SOX6: variants seen among roughly 807,000 people sequenced by gnomAD.
The protein encoded by SOX6 is SRY-box transcription factor 6.
Under a neutral mutation model 97.8 loss-of-function variants are expected in SOX6, and 11 were observed. The ratio of observed to expected loss-of-function variants is 0.11; its 90% CI spans 0.07 to 0.19. The LOEUF (loss-of-function observed/expected upper bound fraction) is 0.19, where lower values mean the gene tolerates loss of function less well. Among genes scored for constraint, SOX6 ranks in the 10% least tolerant of loss-of-function variants. SOX6 has a pLI of 1.00. For missense variants in SOX6, 810 were observed against 1,039.5 expected (o/e 0.78, Z 3.04); for synonymous variants, 360 against 371.4 (o/e 0.97, Z 0.35).
chr11:16,642,468 TGC>T (rs1848933502), intron 3 of SOX6, among the ~76,000 whole-genome samples: 1 of 152,238 alleles, frequency 6.6e-6, no homozygotes, highest in African/African-American at 2.4e-5. Context: ...TGGCCTGCCT[TGC>T]TAGATTGGAG....
At chr11:16,025,457 G>T (rs1855190694) in intron 12 of SOX6, among the ~76,000 whole-genome samples, 1 of 152,170 alleles carries the variant, frequency 6.6e-6, no homozygotes, top group Non-Finnish European at 1.5e-5. Flanking sequence ...TGTACCATAT[G>T]AACAAAGAGT....
chr11:16,402,673 T>C (rs1858591814), intron 1 of SOX6: 3 of 1,611,270 alleles, frequency 1.9e-6, no homozygotes, highest in Non-Finnish European at 2.5e-6. Context: ...TTTTTCTTCT[T>C]TCCTTCCTCC....
chr11:16,186,775 G>A lies in SOX6; in HGVS notation c.708+8C>T, dbSNP rs772387340. The A allele has an allele frequency of 6.2e-7, 1 of 1,612,434 alleles. No homozygotes were observed. The highest frequency in any genetic ancestry group is 8.5e-7 in the Non-Finnish European group (1 of 1,179,770). On this transcript the variant is annotated splice_region_variant and intron_variant, in intron 5 of 15. Transcript: ENST00000683767. ...CTCCAGTTCGTCAGTGCCTTTTGCA[G>A]GGCTCACCTGTTCTTGCTGTTGGCG... is the stretch of plus-strand genomic sequence containing the variant.
At position 16,288,182 on chromosome 11, in the gene SOX6, C is replaced by T. The variant is rs527733871; in HGVS notation, c.445+30264G>A. Among the ~76,000 whole-genome samples the T allele has an allele frequency of 2.0e-5, 3 of 152,092 alleles. No individual in the cohort carries two copies. In the South Asian group the frequency reaches 6.2e-4, roughly 32 times the overall value. On this transcript the variant is annotated intron_variant, in intron 3 of 15. Coordinates refer to ENST00000683767, the MANE Select transcript of SOX6 (RefSeq NM_001367873.1). Reference sequence around the variant, plus strand: ...GGTCCAGTATTCCCTGGAAATAACCCCGATTCAGAAGATTCTCTTCCCATC... The same window carrying T: ...GGTCCAGTATTCCCTGGAAATAACCTCGATTCAGAAGATTCTCTTCCCATC...
At chr11:15,982,242 A>T (rs925400177) in intron 15 of SOX6, among the ~76,000 whole-genome samples, 11 of 152,052 alleles carry the variant, frequency 7.2e-5, no homozygotes, top group Non-Finnish European at 1.6e-4. Flanking sequence ...TCGGCCATTT[A>T]CTAGCTGTGT....
intron 3 of SOX6, among the ~76,000 whole-genome samples, chr11:16,267,141 T>C (rs1366315015): frequency 6.6e-6 from 1 of 151,452 alleles, no homozygotes; most frequent in African/African-American, 2.4e-5. Context: ...CAATGATTTT[T>C]TAGATTTCAT....
At chr11:16,221,049 T>C (rs1225275666) in intron 4 of SOX6, among the ~76,000 whole-genome samples, 2 of 152,056 alleles carry the variant, frequency 1.3e-5, no homozygotes, top group African/African-American at 4.8e-5. Context: ...TGTGCTAATC[T>C]AAGGTTCTAG....
intron 3 of SOX6, among the ~76,000 whole-genome samples, chr11:16,259,713 AAATT>A (rs1329115833): frequency 6.6e-6 from 1 of 152,168 alleles, no homozygotes; most frequent in Admixed American, 6.5e-5. Context: ...GAAGAAAACA[AAATT>A]AATCTATGGT....
chr11:16,585,538 G>A (rs1455961230), intron 4 of SOX6, among the ~76,000 whole-genome samples: 2 of 152,040 alleles, frequency 1.3e-5, no homozygotes, highest in African/African-American at 4.8e-5. Flanking sequence ...CACTGTACAG[G>A]TTAGAGAAAT....
chr11:16,505,123 A>G (rs1860765351), intron 4 of SOX6, among the ~76,000 whole-genome samples: 1 of 152,234 alleles, frequency 6.6e-6, no homozygotes, highest in Non-Finnish European at 1.5e-5. Context: ...TGGAGGGCTC[A>G]GAGGAAGGTA....
chr11:16,599,154 A>T (rs1848241989), intron 4 of SOX6, among the ~76,000 whole-genome samples: 1 of 152,158 alleles, frequency 6.6e-6, no homozygotes, highest in Non-Finnish European at 1.5e-5. Context: ...TAATAATATC[A>T]CGTTAGGCTT....
At chr11:16,029,427 G>A (rs1010941589) in intron 12 of SOX6, among the ~76,000 whole-genome samples, 2 of 151,834 alleles carry the variant, frequency 1.3e-5, no homozygotes, top group Non-Finnish European at 2.9e-5. Context: ...CACAAGGTCA[G>A]GAGTTCAAGA....
chr11:16,466,685 C>T (rs1289969549), intron 1 of SOX6, among the ~76,000 whole-genome samples: 7 of 150,056 alleles, frequency 4.7e-5, no homozygotes, highest in African/African-American at 9.8e-5. Context: ...AATCCCAGCA[C>T]TTTGGGAGGC....
intron 4 of SOX6, among the ~76,000 whole-genome samples, chr11:16,535,304 C>T (rs1005141077): frequency 6.6e-6 from 1 of 152,196 alleles, no homozygotes; most frequent in African/African-American, 2.4e-5. Flanking sequence ...ACAGGGAAAG[C>T]TATTATTTAT....
intron 6 of SOX6, among the ~76,000 whole-genome samples, chr11:16,167,345 C>T (rs2134078475): frequency 6.6e-6 from 1 of 152,242 alleles, no homozygotes; most frequent in East Asian, 1.9e-4. Context: ...TCACTATTAA[C>T]CTGGTCCAAG....
chr11:16,424,984 A>G (rs1288881088), intron 1 of SOX6, among the ~76,000 whole-genome samples: 3 of 152,176 alleles, frequency 2.0e-5, no homozygotes, highest in African/African-American at 7.2e-5. Flanking sequence ...GATAGCAAAG[A>G]AAAAAAACTT....
intron 3 of SOX6, among the ~76,000 whole-genome samples, chr11:16,285,098 G>T (rs970578570): frequency 7.9e-5 from 12 of 152,110 alleles, no homozygotes; most frequent in Non-Finnish European, 1.6e-4. Context: ...CTGGACAACA[G>T]ATGAAACAAA....
intron 1 of SOX6, among the ~76,000 whole-genome samples, chr11:16,349,039 C>G (rs992446644): frequency 1.8e-4 from 27 of 152,136 alleles, no homozygotes; most frequent in African/African-American, 5.1e-4. Context: ...TAACCTGAAG[C>G]TAAATTAATA....
At chr11:16,219,050 G>A (rs1032230539) in intron 4 of SOX6, among the ~76,000 whole-genome samples, 2 of 152,026 alleles carry the variant, frequency 1.3e-5, no homozygotes, top group Non-Finnish European at 2.9e-5. Context: ...CTTTAAAAAC[G>A]TGCTAGGCAC....
Sources: gnomAD v4.1 joint callset for allele counts (sites outside exome capture counted in the v4.1 genomes callset) on GRCh38, gnomAD v4.1.1 for gene constraint, MANE v1.5 for transcripts, NCBI Gene and HGNC (gene_info 2026-07-23, HGNC 2026-07-21) for gene names.